Variants in CDH24 observed in about 807,000 individuals in gnomAD.
CDH24 encodes the protein cadherin-24.
A neutral mutation model predicts 71.2 loss-of-function variants in CDH24; 61 were observed. The observed-to-expected ratio is 0.86, with a 90% CI of 0.70 to 1.06. The LOEUF (loss-of-function observed/expected upper bound fraction) is 1.06. CDH24 is among the 50% of genes least tolerant of loss of function. The pLI is 0.00. For missense variants in CDH24, 961 were observed against 1,083.7 expected, an observed-to-expected ratio of 0.89 and a Z score of 1.59; for synonymous variants, 440 against 470.2, an observed-to-expected ratio of 0.94 and a Z score of 0.83.
chr14:23,053,070 C>G (rs2047096707), intron 7 of CDH24, among the ~76,000 whole-genome samples: 1 of 151,902 alleles, frequency 6.6e-6, no homozygotes, highest in Admixed American at 6.6e-5. Context: ...GAAAGAGTGG[C>G]TGTTCTGCCA....
Position 23,048,454 on chromosome 14 carries a change from C to T in CDH24, c.1872G>A (p.Leu624=). 6.2e-7 allele frequency: 1 copy of T among 1,609,840 alleles called. No homozygotes were observed. The highest frequency in any genetic ancestry group is 8.5e-7 in the Non-Finnish European group (1 of 1,179,558). The part of the protein sequence containing the change: ...LLALVVLFVA[L]RRQKQEALMV... ...TCAGTGCTTCTTGCTTCTGCCGCCG[C>T]AGGGCCACGAAGAGCACCACCAGGG... The change falls in exon 12 of 13, where the codon CTG becomes CTA. Residue 624 remains leucine (L), a synonymous_variant. Transcript: ENST00000487137.
intron 11 of CDH24, 36 bp from the exon 12 acceptor site, chr14:23,048,515 C>T: frequency 1.3e-6 from 2 of 1,592,832 alleles, no homozygotes; most frequent in Admixed American, 1.7e-5. Context: ...CCTGAGCCAG[C>T]AGGGCCGGGA....
Position 23,055,842 on chromosome 14 carries a change from C to T in CDH24, c.-109G>A. On this transcript the variant is annotated 5_prime_UTR_variant, in exon 2 of 13. Transcript: ENST00000487137. This position sits in a 1 kb window ranked among gnomAD's most constrained non-coding sequence, Gnocchi z 4.1. ...TGGAGGGGCAGATGCGTTGAGGCTA[C>T]CCCATGGATCCACACCTGCAGGACA... 1 of 884,882 alleles carries T rather than the reference C, an allele frequency of 1.1e-6. No homozygotes were observed. Among genetic ancestry groups the T allele is most frequent in the Non-Finnish European group, 1.7e-6 (1 of 593,156 alleles). 54.8% of individuals were successfully genotyped at this position (884,882 alleles called of 1,614,324 possible).
Position 23,054,666 on chromosome 14 carries a change from C to T in CDH24, c.624G>A (p.Val208=), listed in dbSNP as rs781641123. Residue 208 remains valine, a synonymous_variant, in exon 5 of 13, where the codon GTG becomes GTA. Transcript: ENST00000487137. The surrounding 1 kb of genome is among the most constrained non-coding windows in gnomAD (Gnocchi z 5.2). ...FFSVDPQTGV[V]RTAIPNMDRE... ...GGTCCATGTTGGGGATGGCTGTACG[C>T]ACCACTCCTAGGGAGAGATGCTGGT... The T allele has an allele frequency of 3.1e-6, 5 of 1,613,882 alleles. No individual in the cohort carries two copies. The African/African-American group carries it at 4.0e-5, about 13-fold the overall frequency.
In CDH24 at chr14:23,048,059, G is replaced by C. The variant is rs777724353; in HGVS notation, c.2267C>G (p.Ala756Gly). 6.9e-7 allele frequency: 1 copy of C among 1,441,246 alleles called. No homozygotes were observed. The highest frequency in any genetic ancestry group is 1.3e-5 in the South Asian group (1 of 74,766). 89.3% of individuals were successfully genotyped at this position (1,441,246 alleles called of 1,614,324 possible). Residue 756 changes from alanine to glycine, a missense_variant, in exon 12 of 13, where the codon GCG becomes GGG. Transcript: ENST00000487137. ...GSEAGGAPGP[A>G]EPLDDWGPLF... The stretch of plus-strand genomic sequence containing the variant: ...CGGACCCCAGTCGTCCAGCGGCTCC[G>C]CGGGGCCGGGGGCGCCGCCGGCTTC...
At position 23,047,922 on chromosome 14, in the gene CDH24, C is replaced by T; in HGVS notation, c.*58G>A. 1 of 1,253,146 alleles carries T rather than the reference C, an allele frequency of 8.0e-7. No individual in the cohort carries two copies. Among genetic ancestry groups the T allele is most frequent in the Non-Finnish European group, 1.0e-6 (1 of 992,334 alleles). The allele number at this position is 1,253,146 out of a possible 1,614,324, so 77.6% of individuals were successfully genotyped here. On this transcript the variant is annotated 3_prime_UTR_variant, in exon 12 of 13. Coordinates refer to ENST00000487137, the MANE Select transcript of CDH24 (RefSeq NM_144985.4). Reference sequence around the variant, plus strand: ...GCCCGCCTGGACCCCGTGGGGCTCACTCAGAGGGCCTGTGCCCGCTGCCCC... The same window carrying T: ...GCCCGCCTGGACCCCGTGGGGCTCATTCAGAGGGCCTGTGCCCGCTGCCCC...
Position 23,052,489 on chromosome 14 carries a change from C to A in CDH24, c.1347G>T (p.Val449=). The change falls in exon 8 of 13, where the codon GTG becomes GTT. Residue 449 remains valine (V), a synonymous_variant. Coordinates refer to ENST00000487137, the MANE Select transcript of CDH24 (RefSeq NM_144985.4). The part of the protein sequence containing the change: ...REARAWHNLT[V]LATELDSSAQ... The stretch of plus-strand genomic sequence containing the variant: ...AGTCCTCACCGAGCTCTGTAGCCAG[C>A]ACAGTGAGGTTGTGCCAGGCGCGAG... 1 of 1,613,928 alleles carries A rather than the reference C, an allele frequency of 6.2e-7. No homozygotes were observed. The highest frequency in any genetic ancestry group is 8.5e-7 in the Non-Finnish European group (1 of 1,180,002).
rs116276810 is a variant in CDH24 at position 23,053,183 on chromosome 14, T to C, written c.1226+313A>G. On this transcript the variant is annotated intron_variant, in intron 7 of 12. Coordinates refer to ENST00000487137, the MANE Select transcript of CDH24 (RefSeq NM_144985.4). ...TGAGAATTCAGTGTCAGCAAGGGGG[T>C]AAACTGTGAAGCACTTTGGGAATGA... Among the ~76,000 whole-genome samples, 532 of 152,274 alleles carry C rather than the reference T, an allele frequency of 3.5e-3. 6 individuals carry two copies. The highest frequency in any genetic ancestry group is 0.012 in the African/African-American group (511 of 41,550).
In CDH24 at chr14:23,055,448, C is replaced by T. The variant is rs1356976633; in HGVS notation, c.201+85G>A. The T allele has an allele frequency of 1.9e-6, 3 of 1,587,170 alleles. No homozygotes were observed. Among genetic ancestry groups the T allele is most frequent in the Non-Finnish European group, 2.6e-6 (3 of 1,163,330 alleles). The stretch of plus-strand genomic sequence containing the variant: ...GTAGAGCGTTGGGAGTCCTGAGGGA[C>T]CAAGGTCATTGCAGAAGTGATGAAG... On this transcript the variant is annotated intron_variant, in intron 2 of 12. Transcript: ENST00000487137. This position sits in a 1 kb window ranked among gnomAD's most constrained non-coding sequence, Gnocchi z 4.1.
chr14:23,048,503 G>A (rs1489068976), intron 11 of CDH24, 24 bp from the exon 12 acceptor site: 2 of 1,597,278 alleles, frequency 1.3e-6, no homozygotes, highest in Admixed American at 3.4e-5. Context: ...GCGCACACAG[G>A]CCCTGAGCCA....
In CDH24 at chr14:23,048,140, C is replaced by T. The variant is rs1332553463; in HGVS notation, c.2186G>A (p.Gly729Asp). Residue 729 changes from glycine (G) to aspartate (D), a missense_variant, in exon 12 of 13, where the codon GGC (glycine) becomes GAC (aspartate). Gly to Asp is a moderately conservative substitution (Grantham distance 94). Around this residue, in one of 2 missense-constraint regions of CDH24, gnomAD observed 290 missense variants for 272.8 expected, o/e 1.06. Coordinates refer to ENST00000487137, the MANE Select transcript of CDH24 (RefSeq NM_144985.4). ...VPPYDSVQVY[G>D]YEGRGSSCGS... ...GCAAGAGGAGCCGCGGCCCTCGTAG[C>T]CGTACACCTGCACCGAGTCGTACGG... is the stretch of plus-strand genomic sequence containing the variant. 7.2e-7 allele frequency: 1 copy of T among 1,394,710 alleles called. No homozygotes were observed. Among genetic ancestry groups the T allele is most frequent in the Non-Finnish European group, 9.3e-7 (1 of 1,076,354 alleles). 86.4% of individuals were successfully genotyped at this position (1,394,710 alleles called of 1,614,324 possible). A position where few individuals can be genotyped will look rare whatever the true frequency, so the allele number is the denominator to read the frequency against.
Position 23,048,307 on chromosome 14 carries a change from G to A in CDH24, c.2019C>T (p.Pro673=). ...TALQNPDGAA[P]PAPGPPARRD... is the part of the protein sequence containing the mutation. Reference sequence around the variant, plus strand: ...GGCGCGCGGGAGGGCCGGGCGCCGGGGGGGCCGCCCCGTCCGGGTTCTGCA... The same window carrying A: ...GGCGCGCGGGAGGGCCGGGCGCCGGAGGGGCCGCCCCGTCCGGGTTCTGCA... Residue 673 remains proline, a synonymous_variant, in exon 12 of 13, where the codon CCC becomes CCT. Transcript: ENST00000487137. 6.2e-7 allele frequency: 1 copy of A among 1,600,702 alleles called. No individual in the cohort carries two copies. Among genetic ancestry groups the A allele is most frequent in the South Asian group, 1.1e-5 (1 of 90,030 alleles).
rs1594725393 is a variant in CDH24 at position 23,052,607 on chromosome 14, T to C, written c.1229A>G (p.Tyr410Cys). 1 of 1,612,812 alleles carries C rather than the reference T, an allele frequency of 6.2e-7. No homozygotes were observed. Residue 410 changes from tyrosine to cysteine, a missense_variant and splice_region_variant, in exon 8 of 13, where the codon TAC (tyrosine) becomes TGC (cysteine). Coordinates refer to ENST00000487137, the MANE Select transcript of CDH24 (RefSeq NM_144985.4). ...CGGATCTGAGTGGGGGAGGATGGAG[T>C]ATCTGGGGAAGGGAGAGACATGCTG... ...DLDSPASPIRYSILPHSDPER... is the reference protein window; with the variant it reads ...DLDSPASPIRCSILPHSDPER...
rs1411333313 is a variant in CDH24 at position 23,055,699 on chromosome 14, A to G, written c.35T>C (p.Leu12Pro). 6.3e-7 allele frequency: 1 copy of G among 1,598,148 alleles called. No individual in the cohort carries two copies. Among genetic ancestry groups the G allele is most frequent in the Admixed American group, 1.8e-5 (1 of 55,838 alleles). ...ACGCCCCATGCAGCCCCAGCCACCC[A>G]GCCAGGCCAGCAGGAGCCTCACCAG... ...WGLVRLLLAWLGGWGCMGRLA... is the reference protein window; with the variant it reads ...WGLVRLLLAWPGGWGCMGRLA... The change falls in exon 2 of 13, where the codon CTG becomes CCG. Residue 12 changes from leucine to proline, a missense_variant. By Grantham distance (98) the Leu-to-Pro change is moderately conservative. Around this residue, in one of 2 missense-constraint regions of CDH24, gnomAD observed 671 missense variants for 810.9 expected, o/e 0.83. Coordinates refer to ENST00000487137, the MANE Select transcript of CDH24 (RefSeq NM_144985.4). The surrounding 1 kb of genome is among the most constrained non-coding windows in gnomAD (Gnocchi z 4.1).
rs1232471323 is a variant in CDH24, at chr14:23,051,028, G to C, written c.1364-1085C>G. ...CAGGAGAATGAGAAGACAGTGACTA[G>C]AAACGCACACACACACAAAGCTATG... is the stretch of plus-strand genomic sequence containing the variant. On this transcript the variant is annotated intron_variant, in intron 8 of 12. Transcript: ENST00000487137. This position sits in a 1 kb window ranked among gnomAD's most constrained non-coding sequence, Gnocchi z 4.4. 1.3e-5 allele frequency among the ~76,000 whole-genome samples: 2 copies of C among 150,638 alleles called. No homozygotes were observed. Among genetic ancestry groups the C allele is most frequent in the East Asian group, 4.0e-4 (2 of 5,048 alleles).
intron 8 of CDH24, 176 bp downstream of exon 8, chr14:23,052,297 G>C (rs2047090321): frequency 1.2e-6 from 1 of 801,506 alleles, no homozygotes. Context: ...TCCAGGCTAG[G>C]ACCCAGATCC....
Position 23,052,572 on chromosome 14 carries a change from A to G in CDH24, c.1264T>C (p.Phe422Leu). The change falls in exon 8 of 13, where the codon TTC becomes CTC. Residue 422 changes from phenylalanine (F) to leucine (L), a missense_variant. By Grantham distance (22) the Phe-to-Leu change is conservative (BLOSUM62 0). Coordinates refer to ENST00000487137, the MANE Select transcript of CDH24 (RefSeq NM_144985.4). ...GTGCCTTCCTCGGGCTGGATAGAGA[A>G]GCAACGCTCCGGATCTGAGTGGGGG... is the stretch of plus-strand genomic sequence containing the variant. ...ILPHSDPERC[F>L]SIQPEEGTIH... The G allele has an allele frequency of 6.2e-7, 1 of 1,614,024 alleles. No homozygotes were observed. Among genetic ancestry groups the G allele is most frequent in the South Asian group, 1.1e-5 (1 of 91,084 alleles).
Position 23,055,832 on chromosome 14 carries a change from G to A in CDH24, c.-99C>T, listed in dbSNP as rs1319363674. 9.9e-6 allele frequency: 10 copies of A among 1,010,328 alleles called. No homozygotes were observed. The highest frequency in any genetic ancestry group is 3.4e-5 in the South Asian group (2 of 58,976). The allele number at this position is 1,010,328 out of a possible 1,614,324, so 62.6% of individuals were successfully genotyped here. A position where few individuals can be genotyped will look rare whatever the true frequency, so the allele number is the denominator to read the frequency against. On this transcript the variant is annotated 5_prime_UTR_variant, in exon 2 of 13. The change creates a new upstream start codon in the 5' untranslated region. Transcript: ENST00000487137. The surrounding 1 kb of genome is among the most constrained non-coding windows in gnomAD (Gnocchi z 4.1). Reference sequence around the variant, plus strand: ...CTGGCTGGGGTGGAGGGGCAGATGCGTTGAGGCTACCCCATGGATCCACAC... The same window carrying A: ...CTGGCTGGGGTGGAGGGGCAGATGCATTGAGGCTACCCCATGGATCCACAC...
At chr14:23,056,074 TGAGTA>T (rs1405432626) in intron 1 of CDH24, among the ~76,000 whole-genome samples, 29 of 152,122 alleles carry the variant, frequency 1.9e-4, no homozygotes, top group Non-Finnish European at 4.0e-4. Context: ...CAGTCAACTC[TGAGTA>T]GAGAACTGGG....
Sources: allele counts gnomAD v4.1 joint callset (sites outside exome capture counted in the v4.1 genomes callset), GRCh38; gene constraint gnomAD v4.1.1; regional missense constraint gnomAD v4.1.1; non-coding constraint Gnocchi (gnomAD v3.1); transcripts MANE v1.5; gene names NCBI Gene and HGNC (gene_info 2026-07-23, HGNC 2026-07-21).